AP3B2: variants seen among roughly 807,000 people sequenced by gnomAD.
The protein encoded by AP3B2 is AP-3 complex subunit beta-2.
A neutral mutation model predicts 126.9 loss-of-function variants in AP3B2; 50 were observed. The observed-to-expected ratio is 0.39, with a 90% CI of 0.31 to 0.50. The LOEUF is 0.50. AP3B2 is among the 20% of genes least tolerant of loss of function. The pLI, the probability that AP3B2 is intolerant of heterozygous loss-of-function variation, is 0.79. For missense variants in AP3B2, 1,177 were observed against 1,426.4 expected, an observed-to-expected ratio of 0.83 and a Z score of 2.82; for synonymous variants, 541 against 565.0, an observed-to-expected ratio of 0.96 and a Z score of 0.60.
chr15:82,700,415 T>TTTTTTTTTTTTTTTTTTTC (rs58240249), intron 1 of AP3B2, among the ~76,000 whole-genome samples: 3 of 133,190 alleles, frequency 2.3e-5, no homozygotes, highest in South Asian at 2.6e-4. Flanking sequence ...TTTTTTTTTT[T>TTTTTTTTTTTTTTTTTTTC]CAGATGGAGT....
chr15:82,692,148 T>C (rs947835630), intron 1 of AP3B2: 2 of 1,492,920 alleles, frequency 1.3e-6, no homozygotes, highest in Non-Finnish European at 1.8e-6. Flanking sequence ...AAGCCGACAC[T>C]GGCCATAATC....
chr15:82,699,554 G>A (rs1403972823), intron 1 of AP3B2: 1 of 399,090 alleles, frequency 2.5e-6, no homozygotes, highest in African/African-American at 2.1e-5. Flanking sequence ...GACCGGAAGA[G>A]GTCTGGGCTG....
intron 21 of AP3B2, 66 bp from the exon 22 acceptor site, chr15:82,663,299 G>A: frequency 3.1e-6 from 4 of 1,304,164 alleles, no homozygotes; most frequent in Non-Finnish European, 4.4e-6. Context: ...AGGGAGCCTA[G>A]GGATCAAGGA....
At chr15:82,689,493 T>G in intron 1 of AP3B2, 40 bp from the exon 2 acceptor site, 2 of 1,589,320 alleles carry the variant, frequency 1.3e-6, no homozygotes, top group Non-Finnish European at 1.7e-6. Context: ...GGCACAAGGG[T>G]GGGGATGGGG....
At chr15:82,662,053 C>T in intron 24 of AP3B2, 115 bp downstream of exon 24, 2 of 1,308,550 alleles carry the variant, frequency 1.5e-6, no homozygotes, top group Non-Finnish European at 2.2e-6. Flanking sequence ...AGATGGCTTC[C>T]AGACCCACCC....
At position 82,662,190 on chromosome 15, in the gene AP3B2, G is replaced by A. The variant is rs1478821426; in HGVS notation, c.2896C>T (p.Gln966Ter). The change falls in exon 24 of 27, where the codon CAG (glutamine) becomes TAG (stop). Residue 966 changes from glutamine to a stop codon, truncating the protein, a stop_gained. Coordinates refer to ENST00000535359, the MANE Select transcript of AP3B2 (RefSeq NM_001278512.2). LOFTEE classifies it high-confidence loss of function. ...VMGINFCDST[Q>*]AANFQLCTQT... ...TACCACAGCTGGAAGTTGGCTGCCT[G>A]GGTTGAGTCACAGAAATTAATGCCC... is the stretch of plus-strand genomic sequence containing the variant. 2 of 1,602,876 alleles carry A rather than the reference G, an allele frequency of 1.2e-6. No homozygotes were observed. The highest frequency in any genetic ancestry group is 8.5e-7 in the Non-Finnish European group (1 of 1,174,658).
intron 4 of AP3B2, chr15:82,687,895 T>G (rs2048458112): frequency 6.5e-6 from 1 of 152,712 alleles, no homozygotes; most frequent in Admixed American, 6.5e-5. Context: ...AGCCCAGGAG[T>G]CCAAGACCAG....
chr15:82,690,642 CTTTTTTT>C (rs147811093), intron 1 of AP3B2, among the ~76,000 whole-genome samples: 26 of 68,910 alleles, frequency 3.8e-4, no homozygotes, highest in African/African-American at 5.3e-4. Context: ...TTTTCTTCTT[CTTTTTTT>C]TTTTTTTTTT....
chr15:82,703,450 G>C (rs1404719051), intron 1 of AP3B2, among the ~76,000 whole-genome samples: 1 of 144,514 alleles, frequency 6.9e-6, no homozygotes, highest in Non-Finnish European at 1.5e-5. Context: ...CTCCTTCACT[G>C]TGGGCAACAT....
chr15:82,665,303 C>T lies in AP3B2; in HGVS notation c.1972G>A (p.Glu658Lys), dbSNP rs1241262648. The part of the protein sequence containing the change: ...APDPSVRNVE[E>K]EDLSLIETHV... ...GTCTCAATAAGGGAGAGATCTTCTTCCTGTGTGTGTGGGGGAGGGTGTTAG... is the reference window on the plus strand; with the variant it reads ...GTCTCAATAAGGGAGAGATCTTCTTTCTGTGTGTGTGGGGGAGGGTGTTAG... Residue 658 changes from glutamate to lysine, a missense_variant and splice_region_variant, in exon 17 of 27, where the codon GAA becomes AAA. This residue lies in a region of AP3B2 where 587 missense variants were observed against 571.3 expected (regional missense o/e 1.03). Coordinates refer to ENST00000535359, the MANE Select transcript of AP3B2 (RefSeq NM_001278512.2). The surrounding 1 kb of genome is among the most constrained non-coding windows in gnomAD (Gnocchi z 4.4). The T allele has an allele frequency of 1.4e-5, 22 of 1,565,662 alleles. No homozygotes were observed. Among genetic ancestry groups the T allele is most frequent in the Non-Finnish European group, 1.4e-5 (16 of 1,163,590 alleles).
In AP3B2 at chr15:82,680,681, A is replaced by T; in HGVS notation, c.846T>A (p.Ser282=). ...GGGCGGCCGCGGCGGCCGTCTCCTC[A>T]GACCCCGCGCCCTTGGCCTCGTCCT... ...SEEDEAKGAG[S]EETAAAAAPS... The change falls in exon 8 of 27, where the codon TCT becomes TCA. Residue 282 remains serine, a synonymous_variant. Coordinates refer to ENST00000535359, the MANE Select transcript of AP3B2 (RefSeq NM_001278512.2). The surrounding 1 kb of genome is among the most constrained non-coding windows in gnomAD (Gnocchi z 6.1). The T allele has an allele frequency of 6.3e-7, 1 of 1,577,162 alleles. No individual in the cohort carries two copies. Among genetic ancestry groups the T allele is most frequent in the Non-Finnish European group, 8.6e-7 (1 of 1,165,980 alleles).
intron 1 of AP3B2, chr15:82,708,915 T>G (rs981492113): frequency 2.6e-5 from 4 of 152,296 alleles, no homozygotes; most frequent in Non-Finnish European, 5.9e-5. Context: ...AAGGGTCTCA[T>G]GTTCACAGTT....
intron 14 of AP3B2, among the ~76,000 whole-genome samples, chr15:82,673,921 A>C (rs548920039): frequency 3.3e-5 from 5 of 152,292 alleles, no homozygotes; most frequent in African/African-American, 9.6e-5. Context: ...ATCTCACCTG[A>C]CACATAAAAG....
intron 22 of AP3B2, 79 bp downstream of exon 22, chr15:82,663,048 C>CCA: frequency 6.7e-7 from 1 of 1,484,198 alleles, no homozygotes; most frequent in Non-Finnish European, 9.2e-7. Flanking sequence ...CACCCACCCC[C>CCA]CACACACATC....
At chr15:82,697,112 A>G (rs1477388021) in intron 1 of AP3B2, among the ~76,000 whole-genome samples, 2 of 152,196 alleles carry the variant, frequency 1.3e-5, no homozygotes, top group Admixed American at 6.5e-5. Context: ...CAGGCGGATC[A>G]CAAGGCCAGG....
chr15:82,659,659 A>C lies in AP3B2; in HGVS notation c.3207T>G (p.Asp1069Glu), dbSNP rs2047901608. Residue 1069 changes from aspartate to glutamate, a missense_variant, in exon 27 of 27, where the codon GAT becomes GAG. Around this residue, in one of 5 missense-constraint regions of AP3B2, gnomAD observed 587 missense variants for 571.3 expected, o/e 1.03. Transcript: ENST00000535359. Reference protein sequence around the residue: ...TGGSLVLLTLDARPAGAAQLT... With the variant: ...TGGSLVLLTLEARPAGAAQLT... ...GCTGGGCAGCTCCAGCTGGCCGGGC[A>C]TCCAGGGTCAGCAGAACGAGGCTTC... 6.2e-7 allele frequency: 1 copy of C among 1,613,838 alleles called. No homozygotes were observed. Among genetic ancestry groups the C allele is most frequent in the Non-Finnish European group, 8.5e-7 (1 of 1,179,882 alleles).
At chr15:82,671,580 T>C (rs1032949665) in intron 14 of AP3B2, among the ~76,000 whole-genome samples, 7 of 149,746 alleles carry the variant, frequency 4.7e-5, no homozygotes, top group Non-Finnish European at 1.0e-4. Context: ...CTACTAAAAA[T>C]ACAAAAAATT....
intron 14 of AP3B2, among the ~76,000 whole-genome samples, chr15:82,673,378 A>T (rs971335295): frequency 6.6e-6 from 1 of 151,992 alleles, no homozygotes; most frequent in Admixed American, 6.6e-5. Context: ...CACCCAGCTA[A>T]TTTTTTTGTA....
chr15:82,683,451 C>A (rs2048378464), intron 4 of AP3B2, among the ~76,000 whole-genome samples: 1 of 152,180 alleles, frequency 6.6e-6, no homozygotes, highest in South Asian at 2.1e-4. Context: ...AATTCAGTCA[C>A]ATCTTCAGGC....
Sources: gnomAD v4.1 joint callset for allele counts (sites outside exome capture counted in the v4.1 genomes callset) on GRCh38, gnomAD v4.1.1 for gene constraint, gnomAD v4.1.1 regional missense constraint, Gnocchi (gnomAD v3.1) non-coding constraint, MANE v1.5 for transcripts, NCBI Gene and HGNC (gene_info 2026-07-23, HGNC 2026-07-21) for gene names.